Variants in KMO observed in about 807,000 individuals in gnomAD.
KMO encodes kynurenine 3-monooxygenase, also known as kynurenine 3-hydroxylase.
KMO carries 24 observed loss-of-function variants against 57.8 expected under a neutral mutation model. The ratio of observed to expected loss-of-function variants is 0.42; its 90% CI spans 0.30 to 0.58. KMO has a LOEUF of 0.58. Among genes scored for constraint, KMO ranks in the 20% least tolerant of loss-of-function variants. The pLI is 0.22. For missense variants in KMO, 483 were observed against 588.2 expected (o/e 0.82, Z 1.85); for synonymous variants, 210 against 193.6 (o/e 1.08, Z -0.70).
chr1:241,595,512 C>G lies in KMO; in HGVS notation c.*3359C>G, dbSNP rs1389036501. The G allele has an allele frequency of 6.6e-6, 1 of 152,172 alleles. No individual in the cohort carries two copies. Among genetic ancestry groups the G allele is most frequent in the Non-Finnish European group, 1.5e-5 (1 of 68,036 alleles). 9.4% of individuals were successfully genotyped at this position (152,172 alleles called of 1,614,324 possible). On this transcript the variant is annotated 3_prime_UTR_variant, in exon 15 of 15. Coordinates refer to ENST00000366559, the MANE Select transcript of KMO (RefSeq NM_003679.5). ...GGGGTTGCTTGTTATAGTAGTCGGT[C>G]CATCATGACCAGTAAAACATAAATC...
intron 1 of KMO, among the ~76,000 whole-genome samples, chr1:241,537,385 A>T (rs903485513): frequency 2.6e-5 from 4 of 152,208 alleles, no homozygotes; most frequent in African/African-American, 9.7e-5. Context: ...ACAGAATTTG[A>T]TTCAAGTGCA....
intron 1 of KMO, among the ~76,000 whole-genome samples, chr1:241,534,404 T>C (rs937599130): frequency 6.6e-6 from 1 of 152,170 alleles, no homozygotes; most frequent in African/African-American, 2.4e-5. Context: ...TAACATGAGA[T>C]TGTCATCATG....
chr1:241,566,998 C>T (rs1227642370), intron 9 of KMO, among the ~76,000 whole-genome samples: 1 of 152,178 alleles, frequency 6.6e-6, no homozygotes, highest in East Asian at 1.9e-4. Flanking sequence ...ACTTACTAGA[C>T]ACGTAAGCTT....
chr1:241,559,618 C>A (rs544444691), intron 5 of KMO, among the ~76,000 whole-genome samples: 1 of 152,022 alleles, frequency 6.6e-6, no homozygotes, highest in East Asian at 1.9e-4. Flanking sequence ...AATCTTCAAA[C>A]CCCAAATCAA....
chr1:241,557,185 G>A (rs1409559843), intron 5 of KMO, among the ~76,000 whole-genome samples: 2 of 152,166 alleles, frequency 1.3e-5, no homozygotes, highest in African/African-American at 4.8e-5. Flanking sequence ...ACGTGTTCAT[G>A]GAAAAGCCAC....
rs564115299 is a variant in KMO at position 241,593,355 on chromosome 1, C to G, written c.*1202C>G. The G allele has an allele frequency of 2.2e-4, 97 of 437,190 alleles. No homozygotes were observed. The highest frequency in any genetic ancestry group is 4.3e-4 in the Non-Finnish European group (87 of 202,632). 27.1% of individuals were successfully genotyped at this position (437,190 alleles called of 1,614,324 possible). A position where few individuals can be genotyped will look rare whatever the true frequency, so the allele number is the denominator to read the frequency against. On this transcript the variant is annotated 3_prime_UTR_variant, in exon 15 of 15. Transcript: ENST00000366559. ...GAAATGTTTTCTTTGGTTCATCCTTCTTTAACAGGCTGCTGAGTCACTCAG... is the reference window on the plus strand; with the variant it reads ...GAAATGTTTTCTTTGGTTCATCCTTGTTTAACAGGCTGCTGAGTCACTCAG...
intron 9 of KMO, 21 bp downstream of exon 9, chr1:241,566,633 T>C (rs1371229477): frequency 4.3e-6 from 7 of 1,612,546 alleles, no homozygotes; most frequent in Non-Finnish European, 5.1e-6. Flanking sequence ...AGATGTGCCT[T>C]TTGCTCCATT....
At chr1:241,580,423 A>G (rs1558428763) in intron 10 of KMO, among the ~76,000 whole-genome samples, 1 of 152,070 alleles carries the variant, frequency 6.6e-6, no homozygotes, top group Admixed American at 6.6e-5. Context: ...GCTCTTTAGG[A>G]TACAATTGTT....
In KMO at chr1:241,588,856, C is replaced by G. The variant is rs774272009; in HGVS notation, c.1098+26C>G. 5 of 1,505,238 alleles carry G rather than the reference C, an allele frequency of 3.3e-6. No individual in the cohort carries two copies. In the Admixed American group the frequency reaches 8.4e-5, roughly 25 times the overall value. 93.2% of individuals were successfully genotyped at this position (1,505,238 alleles called of 1,614,324 possible). On this transcript the variant is annotated intron_variant, in intron 12 of 14. Transcript: ENST00000366559. The stretch of plus-strand genomic sequence containing the variant: ...GTGAGTGAGAAGGTTTGGCTTTATT[C>G]CATGAGATGGTTCACTGATATTCTA...
At chr1:241,541,242 C>T (rs1216073262) in intron 1 of KMO, among the ~76,000 whole-genome samples, 1 of 152,074 alleles carries the variant, frequency 6.6e-6, no homozygotes, top group Non-Finnish European at 1.5e-5. Flanking sequence ...TGAAGAGGAA[C>T]AATCAATAGG....
intron 5 of KMO, among the ~76,000 whole-genome samples, chr1:241,556,312 T>A (rs1238032616): frequency 6.6e-6 from 1 of 151,956 alleles, no homozygotes; most frequent in Non-Finnish European, 1.5e-5. Context: ...TTTTTTACAT[T>A]TTTTTTAAAG....
rs139306981 is a variant in KMO, at chr1:241,556,979, C to T, written c.361+1319C>T. Among the ~76,000 whole-genome samples the T allele has an allele frequency of 2.8e-3, 423 of 152,144 alleles. 1 individual carries two copies. Among genetic ancestry groups the T allele is most frequent in the Middle Eastern group, 0.01 (3 of 294 alleles). ...GTGAAGACTGAGAAAGGGTTGCAATCTTCAAGGCATTTCCATAATCTCTGG... is the reference window on the plus strand; with the variant it reads ...GTGAAGACTGAGAAAGGGTTGCAATTTTCAAGGCATTTCCATAATCTCTGG... On this transcript the variant is annotated intron_variant, in intron 5 of 14. Coordinates refer to ENST00000366559, the MANE Select transcript of KMO (RefSeq NM_003679.5).
At chr1:241,591,342 G>C (rs1181470888) in intron 14 of KMO, among the ~76,000 whole-genome samples, 1 of 151,792 alleles carries the variant, frequency 6.6e-6, no homozygotes, top group African/African-American at 2.4e-5. Flanking sequence ...TTTCACTATA[G>C]CTATGTTAGT....
intron 1 of KMO, among the ~76,000 whole-genome samples, chr1:241,537,859 C>T (rs1660802598): frequency 6.6e-6 from 1 of 152,154 alleles, no homozygotes; most frequent in African/African-American, 2.4e-5. Context: ...CGCTGGGTCC[C>T]TCCCACAACA....
intron 9 of KMO, among the ~76,000 whole-genome samples, chr1:241,566,893 G>A (rs113148233): frequency 8.5e-5 from 13 of 152,150 alleles, no homozygotes; most frequent in Admixed American, 7.9e-4. Flanking sequence ...GGGGCTTGGC[G>A]TGCCACAGGA....
chr1:241,592,059 C>G lies in KMO; in HGVS notation c.1367C>G (p.Pro456Arg). The change falls in exon 15 of 15, where the codon CCA becomes CGA. Residue 456 changes from proline (P) to arginine (R), a missense_variant. This residue lies in a region of KMO where 410 missense variants were observed against 492.3 expected (regional missense o/e 0.83). Coordinates refer to ENST00000366559, the MANE Select transcript of KMO (RefSeq NM_003679.5). ...SPRSFLRLRR[P>R]WNWIAHFRNT... ...CGATCTTTCCTCCGCTTGAGAAGACCATGGAACTGGATAGCTCACTTCCGG... is the reference window on the plus strand; with the variant it reads ...CGATCTTTCCTCCGCTTGAGAAGACGATGGAACTGGATAGCTCACTTCCGG... 6.2e-7 allele frequency: 1 copy of G among 1,613,954 alleles called. No homozygotes were observed. Among genetic ancestry groups the G allele is most frequent in the Non-Finnish European group, 8.5e-7 (1 of 1,179,948 alleles).
intron 10 of KMO, among the ~76,000 whole-genome samples, chr1:241,571,878 T>C (rs551589299): frequency 6.9e-6 from 1 of 144,114 alleles, no homozygotes; most frequent in African/African-American, 2.6e-5. Flanking sequence ...TTTTTTTTTT[T>C]TTTTTTTGAG....
rs915232077 is a variant in KMO at position 241,537,664 on chromosome 1, A to C, written c.54+5166A>C. Among the ~76,000 whole-genome samples the C allele has an allele frequency of 9.2e-5, 14 of 152,184 alleles. No individual in the cohort carries two copies. The East Asian group carries it at 2.7e-3, about 29-fold the overall frequency. On this transcript the variant is annotated intron_variant, in intron 1 of 14. Transcript: ENST00000366559. ...AAAGAAAAAGAGGTTTAATGGACTC[A>C]GTTCCACGTGACTGGGGAGGTCTCA...
Position 241,593,582 on chromosome 1 carries a change from C to T in KMO, c.*1429C>T, listed in dbSNP as rs115975722. On this transcript the variant is annotated 3_prime_UTR_variant, in exon 15 of 15. Transcript: ENST00000366559. ...CCCACTTTAGGTTCCTTGGCTGGGG[C>T]CCCTATAACAAAAGACAGATTGACA... 4.0e-3 allele frequency: 934 copies of T among 232,904 alleles called. 8 individuals carry two copies. The highest frequency in any genetic ancestry group is 0.019 in the African/African-American group (850 of 45,464). 14.4% of individuals were successfully genotyped at this position (232,904 alleles called of 1,614,324 possible).
Sources: gnomAD v4.1 joint callset for allele counts (sites outside exome capture counted in the v4.1 genomes callset) on GRCh38, gnomAD v4.1.1 for gene constraint, gnomAD v4.1.1 regional missense constraint, MANE v1.5 for transcripts, NCBI Gene and HGNC (gene_info 2026-07-23, HGNC 2026-07-21) for gene names.